The following AGBL1 variants were observed in gnomAD, a reference collection of about 807,000 sequenced individuals.
AGBL1 encodes AGBL carboxypeptidase 1.
AGBL1 carries 130 observed loss-of-function variants against 118.9 expected under a neutral mutation model. The ratio of observed to expected loss-of-function variants is 1.09; its 90% CI spans 0.95 to 1.26. The LOEUF (loss-of-function observed/expected upper bound fraction) is 1.26. AGBL1 is among the 50% of genes most tolerant of loss of function. The pLI is 0.00. For missense variants in AGBL1, 1,584 were observed against 1,298.1 expected, an observed-to-expected ratio of 1.22 and a Z score of -3.38; for synonymous variants, 555 against 478.9, an observed-to-expected ratio of 1.16 and a Z score of -2.08.
chr15:86,451,768 T>G (rs573805034), intron 18 of AGBL1, among the ~76,000 whole-genome samples: 1 of 152,250 alleles, frequency 6.6e-6, no homozygotes, highest in Admixed American at 6.5e-5. Context: ...ACTGTTCTAA[T>G]GTGCTTTCCT....
At chr15:86,938,501 T>G (rs921771794) in intron 23 of AGBL1, among the ~76,000 whole-genome samples, 1 of 152,218 alleles carries the variant, frequency 6.6e-6, no homozygotes, top group African/African-American at 2.4e-5. Flanking sequence ...GATTTTCTAA[T>G]TCAGGCAGCT....
At chr15:86,886,808 A>G (rs577870357) in intron 22 of AGBL1, among the ~76,000 whole-genome samples, 68 of 152,270 alleles carry the variant, frequency 4.5e-4, no homozygotes, top group Non-Finnish European at 9.0e-4. Flanking sequence ...ACCGTATTTG[A>G]GGAGAGGTGA....
At chr15:86,623,562 CTCTGGATGCTTGT>C (rs1168331615) in intron 21 of AGBL1, among the ~76,000 whole-genome samples, 1 of 152,178 alleles carries the variant, frequency 6.6e-6, no homozygotes, top group Non-Finnish European at 1.5e-5. Flanking sequence ...ATGTCACCAG[CTCTGGATGCTTGT>C]TCTTGCTCTC....
At chr15:86,664,105 A>G (rs913291384) in intron 21 of AGBL1, among the ~76,000 whole-genome samples, 2 of 152,188 alleles carry the variant, frequency 1.3e-5, no homozygotes, top group African/African-American at 4.8e-5. Context: ...GCCAGTGAAT[A>G]TATGGCCTTT....
chr15:86,457,218 C>G (rs2082271600), intron 18 of AGBL1, among the ~76,000 whole-genome samples: 1 of 152,114 alleles, frequency 6.6e-6, no homozygotes, highest in Non-Finnish European at 1.5e-5. Flanking sequence ...AAGGCAACTC[C>G]TTTCTTAAAG....
chr15:86,880,014 C>T lies in AGBL1; in HGVS notation c.3159-27073C>T, dbSNP rs548942790. On this transcript the variant is annotated intron_variant, in intron 22 of 22. Coordinates refer to ENST00000614907, the MANE Select transcript of AGBL1 (RefSeq NM_001386094.1). ...AAGGAAAGAGAAGCAATGTGTTAACCTTGGCCTGAGACTAGTGGAGTCCTG... is the reference window on the plus strand; with the variant it reads ...AAGGAAAGAGAAGCAATGTGTTAACTTTGGCCTGAGACTAGTGGAGTCCTG... Among the ~76,000 whole-genome samples, 116 of 152,280 alleles carry T rather than the reference C, an allele frequency of 7.6e-4. 1 individual carries two copies. The highest frequency in any genetic ancestry group is 2.5e-3 in the African/African-American group (105 of 41,572).
intron 22 of AGBL1, among the ~76,000 whole-genome samples, chr15:86,849,924 C>A (rs1411918657): frequency 6.6e-6 from 1 of 152,134 alleles, no homozygotes; most frequent in East Asian, 1.9e-4. Flanking sequence ...AGGAGCTGGT[C>A]TTTTTGGTCT....
At chr15:87,029,610 T>C (rs556305698), downstream of AGBL1, among the ~76,000 whole-genome samples, 26 of 152,106 alleles carry the variant, frequency 1.7e-4, no homozygotes, top group Admixed American at 1.2e-3. Flanking sequence ...ACTATAGTTA[T>C]ATGTCCATTT....
chr15:86,174,855 C>T (rs1303458578), intron 5 of AGBL1, among the ~76,000 whole-genome samples: 1 of 151,992 alleles, frequency 6.6e-6, no homozygotes, highest in Non-Finnish European at 1.5e-5. Flanking sequence ...CCCCCTTGAT[C>T]ATGGTATATT....
intron 23 of AGBL1, among the ~76,000 whole-genome samples, chr15:86,941,482 G>A (rs188299880): frequency 1.2e-4 from 18 of 152,286 alleles, no homozygotes; most frequent in African/African-American, 3.6e-4. Context: ...GAGACATCAC[G>A]CCCAAGGAAG....
intron 22 of AGBL1, among the ~76,000 whole-genome samples, chr15:86,711,670 G>T (rs1416953803): frequency 3.3e-5 from 5 of 152,150 alleles, no homozygotes; most frequent in Non-Finnish European, 7.3e-5. Flanking sequence ...ATGGCCCACT[G>T]GTTAAGTCCA....
chr15:86,154,338 CCTT>C (rs1160809506), intron 3 of AGBL1, 89 bp from the exon 4 acceptor site: 26 of 1,403,094 alleles, frequency 1.9e-5, no homozygotes, highest in Non-Finnish European at 2.4e-5. Flanking sequence ...TTATCCTCCT[CCTT>C]CACCATCTTC....
At chr15:86,214,747 C>A (rs1003195855) in intron 5 of AGBL1, among the ~76,000 whole-genome samples, 8 of 152,202 alleles carry the variant, frequency 5.3e-5, no homozygotes, top group African/African-American at 1.4e-4. Flanking sequence ...AACCATTTCT[C>A]CTTTGCAGAG....
intron 23 of AGBL1, among the ~76,000 whole-genome samples, chr15:86,925,726 T>A (rs982056390): frequency 4.7e-5 from 7 of 147,388 alleles, no homozygotes; most frequent in Non-Finnish European, 3.0e-5. Flanking sequence ...TTTTCTTTTT[T>A]TTTTTTTTTA....
downstream of AGBL1, among the ~76,000 whole-genome samples, chr15:86,919,573 GACACAC>G (rs376501612): frequency 0.21 from 26,856 of 128,646 alleles, 2,456 homozygotes; most frequent in South Asian, 0.33. Flanking sequence ...TCCCTGTTGA[GACACAC>G]ACACACACAC....
chr15:86,994,269 A>G (rs1047026813), intron 24 of AGBL1, among the ~76,000 whole-genome samples: 2 of 152,038 alleles, frequency 1.3e-5, no homozygotes, highest in Non-Finnish European at 2.9e-5. Flanking sequence ...TCACTTGAAC[A>G]ACTTTGAAAA....
intron 22 of AGBL1, among the ~76,000 whole-genome samples, chr15:86,752,825 T>G (rs2141256430): frequency 6.6e-6 from 1 of 152,216 alleles, no homozygotes; most frequent in African/African-American, 2.4e-5. Context: ...GGAGTAGCTA[T>G]TTATTTAGTA....
chr15:86,170,186 T>C (rs1045700238), intron 5 of AGBL1, among the ~76,000 whole-genome samples: 3 of 152,116 alleles, frequency 2.0e-5, no homozygotes, highest in Non-Finnish European at 4.4e-5. Flanking sequence ...AAAACCCAAA[T>C]TGAACCTCTG....
At chr15:86,630,183 G>A (rs1012022426) in intron 21 of AGBL1, 2 of 152,272 alleles carry the variant, frequency 1.3e-5, no homozygotes, top group African/African-American at 4.8e-5. Flanking sequence ...CAAGGTTAAT[G>A]ACTGTGTTTT....
Sources: allele counts gnomAD v4.1 joint callset (sites outside exome capture counted in the v4.1 genomes callset), GRCh38; gene constraint gnomAD v4.1.1; transcripts MANE v1.5; gene names NCBI Gene and HGNC (gene_info 2026-07-23, HGNC 2026-07-21).